The following ELF2 variants were observed in gnomAD, a reference collection of about 807,000 sequenced individuals.
ELF2 encodes E74 like ETS transcription factor 2.
Under a neutral mutation model 54.8 loss-of-function variants are expected in ELF2, and 11 were observed. The ratio of observed to expected loss-of-function variants is 0.20; its 90% CI spans 0.13 to 0.33. The LOEUF (loss-of-function observed/expected upper bound fraction) is 0.33, where lower values mean the gene tolerates loss of function less well. Ranked by LOEUF, ELF2 falls within the 10% of genes least tolerant of loss-of-function variation. The pLI, the probability that ELF2 is intolerant of heterozygous loss-of-function variation, is 1.00. For missense variants in ELF2, 513 were observed against 703.0 expected (o/e 0.73, Z 3.06); for synonymous variants, 203 against 245.1 (o/e 0.83, Z 1.61).
intron 8 of ELF2, among the ~76,000 whole-genome samples, chr4:139,061,222 T>A (rs1260743884): frequency 6.6e-6 from 1 of 151,044 alleles, no homozygotes; most frequent in Non-Finnish European, 1.5e-5. Context: ...TCACCCAGGC[T>A]GCAGTGCAAT....
At chr4:139,141,306 T>C (rs1367712636) in intron 1 of ELF2, among the ~76,000 whole-genome samples, 1 of 152,196 alleles carries the variant, frequency 6.6e-6, no homozygotes, top group South Asian at 2.1e-4. Context: ...CGTAGGGACA[T>C]AGGAAGGAAA....
At position 139,059,513 on chromosome 4, in the gene ELF2, G is replaced by T; in HGVS notation, c.1252C>A (p.Pro418Thr). Residue 418 changes from proline (P) to threonine (T), a missense_variant, in exon 10 of 10, where the codon CCA becomes ACA. This residue lies in a region of ELF2 where 291 missense variants were observed against 366.1 expected (regional missense o/e 0.79). Transcript: ENST00000686138. ...VAVQSVNAGA[P>T]LITSTSPTTA... The stretch of plus-strand genomic sequence containing the variant: ...GTTGGACTAGTGCTGGTTATTAATG[G>T]TGCACCTGCATTAACTGACTGAACT... 1 of 1,613,842 alleles carries T rather than the reference G, an allele frequency of 6.2e-7. No homozygotes were observed. Among genetic ancestry groups the T allele is most frequent in the Non-Finnish European group, 8.5e-7 (1 of 1,179,844 alleles).
intron 2 of ELF2, among the ~76,000 whole-genome samples, 168 bp downstream of exon 2, chr4:139,139,245 G>C (rs919198586): frequency 6.6e-6 from 1 of 152,024 alleles, no homozygotes. Context: ...TCATCTTACT[G>C]ATCAGTACTA....
intron 7 of ELF2, among the ~76,000 whole-genome samples, chr4:139,064,337 G>C (rs1728360800): frequency 6.6e-6 from 1 of 152,114 alleles, no homozygotes; most frequent in South Asian, 2.1e-4. Flanking sequence ...ACAGAAAAGA[G>C]TCCTGAGACG....
At chr4:139,146,711 A>T (rs1739257641) in intron 1 of ELF2, among the ~76,000 whole-genome samples, 1 of 152,222 alleles carries the variant, frequency 6.6e-6, no homozygotes, top group South Asian at 2.1e-4. Flanking sequence ...GAATCCAGAA[A>T]TAAAACCAAA....
intron 1 of ELF2, among the ~76,000 whole-genome samples, chr4:139,140,305 T>C (rs1738581252): frequency 6.6e-6 from 1 of 152,178 alleles, no homozygotes; most frequent in African/African-American, 2.4e-5. Context: ...CCTCCTCAAA[T>C]AGTCCGCCTT....
intron 6 of ELF2, among the ~76,000 whole-genome samples, chr4:139,069,474 A>G (rs772306471): frequency 5.9e-5 from 9 of 152,232 alleles, no homozygotes; most frequent in Non-Finnish European, 1.3e-4. Context: ...TAACATCTTC[A>G]GCATCTCCTA....
chr4:139,086,749 C>T (rs1732028275), intron 4 of ELF2, among the ~76,000 whole-genome samples: 1 of 152,110 alleles, frequency 6.6e-6, no homozygotes, highest in African/African-American at 2.4e-5. Flanking sequence ...ATATGATACA[C>T]AAGACTGCTT....
intron 1 of ELF2, among the ~76,000 whole-genome samples, chr4:139,170,932 G>T (rs1742246495): frequency 6.6e-6 from 1 of 151,862 alleles, no homozygotes; most frequent in Non-Finnish European, 1.5e-5. Flanking sequence ...TTTTAGTAGA[G>T]ACAGGGTTTT....
At chr4:139,166,251 G>T (rs1741709407) in intron 1 of ELF2, among the ~76,000 whole-genome samples, 1 of 152,252 alleles carries the variant, frequency 6.6e-6, no homozygotes, top group East Asian at 1.9e-4. Flanking sequence ...AGCCAAGGTA[G>T]TAGTGTGCAC....
intron 7 of ELF2, 77 bp from the exon 8 acceptor site, chr4:139,062,134 C>T (rs1727952320): frequency 1.5e-6 from 2 of 1,364,366 alleles, no homozygotes; most frequent in South Asian, 2.8e-5. Context: ...ATAAAGTGTC[C>T]TTCATTGTAT....
At chr4:139,175,251 T>TA (rs1200755802) in intron 1 of ELF2, among the ~76,000 whole-genome samples, 1 of 152,190 alleles carries the variant, frequency 6.6e-6, no homozygotes, top group Non-Finnish European at 1.5e-5. Context: ...ATCCCAAAGT[T>TA]ACAAATTCTT....
rs1344381414 is a variant in ELF2 at position 139,057,535 on chromosome 4, G to A, written c.*1448C>T. On this transcript the variant is annotated 3_prime_UTR_variant, in exon 10 of 10. Coordinates refer to ENST00000686138, the MANE Select transcript of ELF2 (RefSeq NM_001331036.3). ...ACCTTAACTTCCTAATCTGTAAAAG[G>A]GCTAGAAGAGTAATTGTTCTTTTTA... The A allele has an allele frequency of 1.3e-5, 2 of 152,086 alleles. No homozygotes were observed. Among genetic ancestry groups the A allele is most frequent in the Non-Finnish European group, 2.9e-5 (2 of 68,024 alleles). 9.4% of individuals were successfully genotyped at this position (152,086 alleles called of 1,614,324 possible).
At chr4:139,063,589 G>A (rs1728209592) in intron 7 of ELF2, among the ~76,000 whole-genome samples, 1 of 152,076 alleles carries the variant, frequency 6.6e-6, no homozygotes, top group South Asian at 2.1e-4. Flanking sequence ...TTTAAAACCT[G>A]GTCCCTGCCT....
chr4:139,173,774 AAAG>A (rs1265136156), intron 1 of ELF2, among the ~76,000 whole-genome samples: 3 of 150,902 alleles, frequency 2.0e-5, no homozygotes, highest in Non-Finnish European at 3.0e-5. Context: ...AAAAAAAAAA[AAAG>A]ACTATAAAAA....
intron 1 of ELF2, among the ~76,000 whole-genome samples, chr4:139,170,504 CA>C (rs1342170438): frequency 1.3e-5 from 2 of 151,104 alleles, no homozygotes; most frequent in Non-Finnish European, 2.9e-5. Flanking sequence ...CCTCATGATC[CA>C]CCAGCCTCAG....
intron 4 of ELF2, among the ~76,000 whole-genome samples, chr4:139,114,561 T>TCCAGTCACACACA (rs70940492): frequency 6.4e-5 from 7 of 108,644 alleles, no homozygotes; most frequent in East Asian, 3.3e-4. Flanking sequence ...GACTTCAGTC[T>TCCAGTCACACACA]CACACACACA....
At chr4:139,079,698 G>C (rs1730825370) in intron 4 of ELF2, among the ~76,000 whole-genome samples, 1 of 152,186 alleles carries the variant, frequency 6.6e-6, no homozygotes, top group African/African-American at 2.4e-5. Context: ...GATCACCTGA[G>C]GTCAGGATTT....
chr4:139,077,801 T>C (rs999481092), intron 4 of ELF2, among the ~76,000 whole-genome samples: 16 of 152,198 alleles, frequency 1.1e-4, no homozygotes, highest in African/African-American at 3.1e-4. Flanking sequence ...TAGAATTCCT[T>C]ATCTTACTTA....
Sources: gnomAD v4.1 joint callset for allele counts (sites outside exome capture counted in the v4.1 genomes callset) on GRCh38, gnomAD v4.1.1 for gene constraint, gnomAD v4.1.1 regional missense constraint, MANE v1.5 for transcripts, NCBI Gene and HGNC (gene_info 2026-07-23, HGNC 2026-07-21) for gene names.